MAP6: variants seen among roughly 807,000 people sequenced by gnomAD.
The protein encoded by MAP6 is microtubule associated protein 6.
In MAP6, 26 loss-of-function variants were observed where a neutral mutation model predicts 42.4. That is an observed-to-expected ratio of 0.61 (90% CI 0.45 to 0.85). The LOEUF is 0.85. Among genes scored for constraint, MAP6 ranks in the 40% least tolerant of loss-of-function variants. The probability of loss-of-function intolerance (pLI) is 0.00; values close to 1 mark genes in which losing one functional copy is unlikely to be tolerated. For synonymous variants in MAP6, 418 were observed against 443.8 expected, an observed-to-expected ratio of 0.94 and a Z score of 0.73; for missense variants, 966 against 1,099.0, an observed-to-expected ratio of 0.88 and a Z score of 1.71.
rs750709818 is a variant in MAP6 at position 75,587,331 on chromosome 11, C to G, written c.2170G>C (p.Val724Leu). The G allele has an allele frequency of 5.6e-6, 9 of 1,614,020 alleles. No homozygotes were observed. Among genetic ancestry groups the G allele is most frequent in the South Asian group, 4.4e-5 (4 of 91,078 alleles). Residue 724 changes from valine to leucine, a missense_variant, in exon 4 of 4, where the codon GTT becomes CTT. Physicochemically the swap from Val to Leu is conservative, Grantham distance 32 (BLOSUM62 1). Transcript: ENST00000304771. ...KNQDPILPVL[V>L]KDQGPTVLQP... ...AGGACTGTGGGGCCTTGATCCTTAA[C>G]TAGTACTGGGAGAATGGGGTCTTGA...
rs1943965234 is a variant in MAP6, at chr11:75,667,358, G to A, written c.905+107C>T. ...TGGGGAGAGGGTGTGGCCTGGGACT[G>A]GAGGGAGGCTGCACGCTAGGCCTGC... On this transcript the variant is annotated intron_variant, in intron 1 of 3. Transcript: ENST00000304771. This position sits in a 1 kb window ranked among gnomAD's most constrained non-coding sequence, Gnocchi z 5.6. The A allele has an allele frequency of 7.4e-6, 8 of 1,081,844 alleles. No homozygotes were observed. Among genetic ancestry groups the A allele is most frequent in the Non-Finnish European group, 9.9e-6 (8 of 809,700 alleles). 67.0% of individuals were successfully genotyped at this position (1,081,844 alleles called of 1,614,324 possible).
chr11:75,651,765 T>C (rs1230844829), intron 1 of MAP6, among the ~76,000 whole-genome samples: 2 of 152,260 alleles, frequency 1.3e-5, no homozygotes, highest in African/African-American at 4.8e-5. Flanking sequence ...TTTCGAAGAA[T>C]GAGTGATGTG....
chr11:75,621,926 G>A (rs1015064917), intron 1 of MAP6, among the ~76,000 whole-genome samples: 9 of 152,150 alleles, frequency 5.9e-5, no homozygotes, highest in South Asian at 2.1e-4. Flanking sequence ...AGGAGGCTGA[G>A]GCAGGAGAAT....
intron 3 of MAP6, chr11:75,594,573 C>T (rs916170486): frequency 7.2e-5 from 11 of 152,260 alleles, no homozygotes; most frequent in African/African-American, 2.7e-4. Flanking sequence ...TCTGCCTCTC[C>T]TGCTAGCCTG....
chr11:75,651,908 C>A (rs1943652140), intron 1 of MAP6, among the ~76,000 whole-genome samples: 1 of 152,198 alleles, frequency 6.6e-6, no homozygotes, highest in Non-Finnish European at 1.5e-5. Flanking sequence ...AATTGGCAAA[C>A]TATTGCCTAC....
In MAP6 at chr11:75,587,719, A is replaced by G; in HGVS notation, c.1782T>C (p.Asp594=). 1 of 1,609,294 alleles carries G rather than the reference A, an allele frequency of 6.2e-7. No homozygotes were observed. Among genetic ancestry groups the G allele is most frequent in the Non-Finnish European group, 8.5e-7 (1 of 1,177,316 alleles). The stretch of plus-strand genomic sequence containing the variant: ...CAGGTGCTGAGACCATGGGACCTTG[A>G]TCCTTGACAGATGCTGAGACCATGG... ...EGPMVSASVK[D]QGPMVSAPVK... The change falls in exon 4 of 4, where the codon GAT becomes GAC. Residue 594 remains aspartate, a synonymous_variant. Transcript: ENST00000304771.
In MAP6 at chr11:75,667,839, G is replaced by T; in HGVS notation, c.531C>A (p.Pro177=). 7.2e-7 allele frequency: 1 copy of T among 1,397,130 alleles called. No individual in the cohort carries two copies. The allele number at this position is 1,397,130 out of a possible 1,614,324, so 86.5% of individuals were successfully genotyped here. A position where few individuals can be genotyped will look rare whatever the true frequency, so the allele number is the denominator to read the frequency against. Residue 177 remains proline, a synonymous_variant, in exon 1 of 4, where the codon CCC becomes CCA. Coordinates refer to ENST00000304771, the MANE Select transcript of MAP6 (RefSeq NM_033063.2). The surrounding 1 kb of genome is among the most constrained non-coding windows in gnomAD (Gnocchi z 5.6). ...RRGDHPWIPK[P]VQISAASQAS... ...CCTGGGAGGCCGCAGAGATCTGCAC[G>T]GGCTTGGGGATCCACGGGTGGTCCC...
intron 1 of MAP6, chr11:75,638,633 T>A (rs571957596): frequency 6.6e-6 from 1 of 152,342 alleles, no homozygotes; most frequent in East Asian, 1.9e-4. Context: ...GAATGGTTAT[T>A]TACTGAAGAG....
At chr11:75,607,810 G>A (rs1019091211) in intron 2 of MAP6, 1 of 313,696 alleles carries the variant, frequency 3.2e-6, no homozygotes, top group Admixed American at 6.5e-5. Flanking sequence ...GGGCTCAGGT[G>A]AGGTTTTCTG....
chr11:75,633,978 T>C (rs972739290), intron 1 of MAP6, among the ~76,000 whole-genome samples: 10 of 152,190 alleles, frequency 6.6e-5, no homozygotes, highest in African/African-American at 2.4e-4. Context: ...TTACTTCAGC[T>C]GCTGCATTCA....
chr11:75,638,277 A>T (rs142385122), intron 1 of MAP6, among the ~76,000 whole-genome samples: 27 of 152,372 alleles, frequency 1.8e-4, no homozygotes, highest in African/African-American at 6.0e-4. Flanking sequence ...AACAGAACTC[A>T]TCTAGACAAT....
intron 1 of MAP6, among the ~76,000 whole-genome samples, chr11:75,660,771 T>C (rs1943830609): frequency 6.6e-6 from 1 of 152,166 alleles, no homozygotes. Context: ...TTATTGTCTA[T>C]AGAAGCAAAT....
intron 1 of MAP6, among the ~76,000 whole-genome samples, chr11:75,618,727 G>T (rs370267149): frequency 6.6e-6 from 1 of 152,168 alleles, no homozygotes; most frequent in Non-Finnish European, 1.5e-5. Context: ...AGTCGAGACC[G>T]GCAGACCTCC....
intron 3 of MAP6, among the ~76,000 whole-genome samples, chr11:75,602,113 T>C (rs977631462): frequency 6.6e-6 from 1 of 152,104 alleles, no homozygotes; most frequent in African/African-American, 2.4e-5. Flanking sequence ...ACCAGAAGGA[T>C]AACAAAGTGG....
In MAP6 at chr11:75,667,584, G is replaced by A; in HGVS notation, c.786C>T (p.Pro262=). 8 of 1,395,392 alleles carry A rather than the reference G, an allele frequency of 5.7e-6. No individual in the cohort carries two copies. The highest frequency in any genetic ancestry group is 7.4e-6 in the Non-Finnish European group (8 of 1,084,902). The allele number at this position is 1,395,392 out of a possible 1,614,324, so 86.4% of individuals were successfully genotyped here. Residue 262 remains proline, a synonymous_variant, in exon 1 of 4, where the codon CCC becomes CCT. Coordinates refer to ENST00000304771, the MANE Select transcript of MAP6 (RefSeq NM_033063.2). The surrounding 1 kb of genome is among the most constrained non-coding windows in gnomAD (Gnocchi z 5.6). ...EGLGHEQTPL[P]AAQAQVQATG... ...TGGCCTGGACCTGGGCCTGGGCCGCGGGCAGCGGCGTCTGCTCGTGCCCCA... is the reference window on the plus strand; with the variant it reads ...TGGCCTGGACCTGGGCCTGGGCCGCAGGCAGCGGCGTCTGCTCGTGCCCCA...
intron 2 of MAP6, chr11:75,607,838 T>C (rs763454239): frequency 1.6e-4 from 38 of 241,264 alleles, no homozygotes; most frequent in Non-Finnish European, 2.3e-4. Flanking sequence ...TTATCTGGAT[T>C]TCTCAAAATC....
chr11:75,644,798 G>T (rs1424605158), intron 1 of MAP6, among the ~76,000 whole-genome samples: 1 of 152,044 alleles, frequency 6.6e-6, no homozygotes, highest in Non-Finnish European at 1.5e-5. Context: ...AAGAAAATTT[G>T]GTTGACTGAG....
intron 1 of MAP6, among the ~76,000 whole-genome samples, chr11:75,659,000 A>G (rs960712830): frequency 5.9e-5 from 9 of 152,318 alleles, no homozygotes; most frequent in Middle Eastern, 3.4e-3. Context: ...TCCAATAACC[A>G]TAAGACTCCT....
chr11:75,652,635 C>A (rs550373858), intron 1 of MAP6, among the ~76,000 whole-genome samples: 4 of 151,906 alleles, frequency 2.6e-5, no homozygotes, highest in African/African-American at 7.3e-5. Flanking sequence ...GTCAGGATAT[C>A]GAGACCATCC....
Sources: allele counts gnomAD v4.1 joint callset (sites outside exome capture counted in the v4.1 genomes callset), GRCh38; gene constraint gnomAD v4.1.1; non-coding constraint Gnocchi (gnomAD v3.1); transcripts MANE v1.5; gene names NCBI Gene and HGNC (gene_info 2026-07-23, HGNC 2026-07-21).